The following TPSG1 variants were observed in gnomAD, a reference collection of about 807,000 sequenced individuals.
TPSG1 encodes the protein tryptase gamma 1.
A neutral mutation model predicts 23.8 loss-of-function variants in TPSG1; 43 were observed. The observed-to-expected ratio is 1.81, with a 90% CI of 1.42 to 2.33. The LOEUF is 2.33. TPSG1 is among the 30% of genes most tolerant of loss of function. The pLI, the probability that TPSG1 is intolerant of heterozygous loss-of-function variation, is 0.00. For synonymous variants in TPSG1, 302 were observed against 201.3 expected (o/e 1.50, Z -4.23); for missense variants, 623 against 438.6 (o/e 1.42, Z -3.75).
At chr16:1,222,421 C>G (rs1170185198) in intron 4 of TPSG1, 80 bp from the exon 5 acceptor site, 1 of 1,350,440 alleles carries the variant, frequency 7.4e-7, no homozygotes, top group African/African-American at 1.5e-5. Flanking sequence ...TTGCCAGACA[C>G]AAGTCCCATG....
At position 1,221,724 on chromosome 16, in the gene TPSG1, A is replaced by G. The variant is rs375214118; in HGVS notation, c.*64T>C. ...TGCAGAAGACTCAGCTTCTCAAGGG[A>G]GAGGGAGGGGGCGGAGCGGAATAAA... On this transcript the variant is annotated 3_prime_UTR_variant, in exon 6 of 6. Coordinates refer to ENST00000234798, the MANE Select transcript of TPSG1 (RefSeq NM_012467.4). 30 of 1,435,006 alleles carry G rather than the reference A, an allele frequency of 2.1e-5. No homozygotes were observed. In the African/African-American group the frequency reaches 3.4e-4, roughly 16 times the overall value. The allele number at this position is 1,435,006 out of a possible 1,614,324, so 88.9% of individuals were successfully genotyped here.
chr16:1,221,858 G>C lies in TPSG1; in HGVS notation c.896C>G (p.Ser299Cys), dbSNP rs1281331276. 1 of 1,612,038 alleles carries C rather than the reference G, an allele frequency of 6.2e-7. No individual in the cohort carries two copies. Reference sequence around the variant, plus strand: ...CAGGCACTTGGCCAGCAGGACACAGGAGACTAGCAGAAGGAAGAGGCCGGG... The same window carrying C: ...CAGGCACTTGGCCAGCAGGACACAGCAGACTAGCAGAAGGAAGAGGCCGGG... ...FLPGLFLLLVSCVLLAKCLLH... is the reference protein window; with the variant it reads ...FLPGLFLLLVCCVLLAKCLLH... Residue 299 changes from serine to cysteine, a missense_variant, in exon 6 of 6, where the codon TCC becomes TGC. By Grantham distance (112) the Ser-to-Cys change is moderately radical. Transcript: ENST00000234798.
At chr16:1,224,578 AC>A (rs757388433) in intron 2 of TPSG1, 23 bp downstream of exon 2, 2 of 1,612,992 alleles carry the variant, frequency 1.2e-6, no homozygotes, top group South Asian at 2.2e-5. Context: ...CCTCCCCCAC[AC>A]CCCACACCTG....
At position 1,225,199 on chromosome 16, in the gene TPSG1, T is replaced by C. The variant is rs1187359088; in HGVS notation, c.46+8A>G. ...CCCCCATCCCCACACCCAGGCCAGGTCACCCACCGGGCACAGCCAGGAGCA... is the reference window on the plus strand; with the variant it reads ...CCCCCATCCCCACACCCAGGCCAGGCCACCCACCGGGCACAGCCAGGAGCA... On this transcript the variant is annotated splice_region_variant and intron_variant, in intron 1 of 5. Transcript: ENST00000234798. 1.5e-5 allele frequency: 23 copies of C among 1,572,610 alleles called. No individual in the cohort carries two copies. The highest frequency in any genetic ancestry group is 1.9e-5 in the Non-Finnish European group (22 of 1,159,440).
chr16:1,224,232 C>CA (rs2030023635), intron 2 of TPSG1: 1 of 249,324 alleles, frequency 4.0e-6, no homozygotes, highest in Admixed American at 5.2e-5. Context: ...TGTAGACAGA[C>CA]AGAGATGTTT....
At position 1,224,570 on chromosome 16, in the gene TPSG1, T is replaced by A. The variant is rs757804431; in HGVS notation, c.73+32A>T. On this transcript the variant is annotated intron_variant, in intron 2 of 5. Transcript: ENST00000234798. Reference sequence around the variant, plus strand: ...CTCCTGCCAGGCCTTGCCTGCACCCTCCCCCACACCCCACACCTGTCAGAG... The same window carrying A: ...CTCCTGCCAGGCCTTGCCTGCACCCACCCCCACACCCCACACCTGTCAGAG... 5.0e-5 allele frequency: 81 copies of A among 1,612,328 alleles called. 2 individuals carry two copies. The South Asian group carries it at 8.7e-4, about 17-fold the overall frequency.
At chr16:1,222,468 C>G (rs1596485693) in intron 4 of TPSG1, 127 bp from the exon 5 acceptor site, 1 of 1,247,484 alleles carries the variant, frequency 8.0e-7, no homozygotes, top group Non-Finnish European at 1.1e-6. Context: ...GGGTTGTGAT[C>G]TGACGTTTGG....
At chr16:1,224,972 C>T (rs1325213588) in intron 1 of TPSG1, among the ~76,000 whole-genome samples, 1 of 152,050 alleles carries the variant, frequency 6.6e-6, no homozygotes, top group African/African-American at 2.4e-5. Flanking sequence ...TACCACCCGC[C>T]CTGCCAACTC....
chr16:1,221,752 G>T lies in TPSG1; in HGVS notation c.*36C>A. ...GGGAGGGGGCGGAGCGGAATAAATA[G>T]TAACTTATTTAAGAAATGCACTTGG... On this transcript the variant is annotated 3_prime_UTR_variant, in exon 6 of 6. Transcript: ENST00000234798. The T allele has an allele frequency of 6.4e-7, 1 of 1,556,500 alleles. No homozygotes were observed. The highest frequency in any genetic ancestry group is 8.7e-7 in the Non-Finnish European group (1 of 1,146,752).
intron 2 of TPSG1, 126 bp downstream of exon 2, chr16:1,224,473 AACC>A: frequency 1.6e-6 from 2 of 1,255,026 alleles, no homozygotes; most frequent in Non-Finnish European, 2.3e-6. Flanking sequence ...TGCGAGCAGA[AACC>A]ACGGCGACAA....
chr16:1,224,308 C>A (rs62012860), intron 2 of TPSG1, among the ~76,000 whole-genome samples: 3,851 of 152,170 alleles, frequency 0.025, 66 homozygotes, highest in Non-Finnish European at 0.04. Flanking sequence ...CCAGCTGGTT[C>A]CAGGGCCACG....
In TPSG1 at chr16:1,222,079, A is replaced by C; in HGVS notation, c.675T>G (p.Pro225=). Residue 225 remains proline (P), a synonymous_variant, in exon 6 of 6, where the codon CCT becomes CCG. Transcript: ENST00000234798. ...GDACQDDSGG[P]LVCQVNGAWV... is the part of the protein sequence containing the mutation. ...AGGCACCGTTCACCTGGCAGACCAG[A>C]GGCCCCCCGGAGTCGTCCTGAGGAC... is the stretch of plus-strand genomic sequence containing the variant. 1 of 1,612,798 alleles carries C rather than the reference A, an allele frequency of 6.2e-7. No homozygotes were observed. The highest frequency in any genetic ancestry group is 8.5e-7 in the Non-Finnish European group (1 of 1,179,984).
At position 1,222,320 on chromosome 16, in the gene TPSG1, C is replaced by T. The variant is rs370303361; in HGVS notation, c.533G>A (p.Ser178Asn). Residue 178 changes from serine (S) to asparagine (N), a missense_variant, in exon 5 of 6, where the codon AGC (serine) becomes AAC (asparagine). Coordinates refer to ENST00000234798, the MANE Select transcript of TPSG1 (RefSeq NM_012467.4). ...REGEPLPPPYSLREVKVSVVD... is the reference protein window; with the variant it reads ...REGEPLPPPYNLREVKVSVVD... ...CACGGAGACTTTCACCTCCCGCAGG[C>T]TGTACGGGGGTGGCAGAGGCTCTGG... is the stretch of plus-strand genomic sequence containing the variant. 8.9e-5 allele frequency: 143 copies of T among 1,606,332 alleles called. No individual in the cohort carries two copies. The highest frequency in any genetic ancestry group is 8.3e-4 in the East Asian group (37 of 44,710).
chr16:1,222,380 A>G, intron 4 of TPSG1, 39 bp from the exon 5 acceptor site: 1 of 1,541,108 alleles, frequency 6.5e-7, no homozygotes, highest in Non-Finnish European at 8.8e-7. Context: ...AGGTTGGGGC[A>G]CCAGGCCCTG....
intron 3 of TPSG1, 59 bp from the exon 4 acceptor site, chr16:1,222,976 G>A (rs894988697): frequency 2.2e-5 from 33 of 1,521,762 alleles, no homozygotes; most frequent in East Asian, 4.7e-5. Flanking sequence ...GGTCAGTGTC[G>A]GCCCCGCCCA....
intron 4 of TPSG1, 134 bp downstream of exon 4, chr16:1,222,512 AAGGGAC>A: frequency 7.6e-7 from 1 of 1,323,356 alleles, no homozygotes; most frequent in East Asian, 2.3e-5. Context: ...AGGCTTTGAA[AAGGGAC>A]AGCCGATAGG....
rs757446831 is a variant in TPSG1 at position 1,222,853 on chromosome 16, A to T, written c.310T>A (p.Phe104Ile). The change falls in exon 4 of 6, where the codon TTC becomes ATC. Residue 104 changes from phenylalanine to isoleucine, a missense_variant. Coordinates refer to ENST00000234798, the MANE Select transcript of TPSG1 (RefSeq NM_012467.4). ...AGGATGATCTGCCTCACGGTGGAGA[A>T]GTGGGGAGACAGAGTGATCTCCAGT... ...GELEITLSPH[F>I]STVRQIILHS... The T allele has an allele frequency of 6.2e-7, 1 of 1,611,140 alleles. No individual in the cohort carries two copies. The highest frequency in any genetic ancestry group is 8.5e-7 in the Non-Finnish European group (1 of 1,179,398).
At position 1,225,225 on chromosome 16, in the gene TPSG1, G is replaced by C; in HGVS notation, c.28C>G (p.Leu10Val). The C allele has an allele frequency of 1.3e-6, 2 of 1,579,476 alleles. No individual in the cohort carries two copies. Among genetic ancestry groups the C allele is most frequent in the Non-Finnish European group, 8.6e-7 (1 of 1,162,904 alleles). The change falls in exon 1 of 6, where the codon CTG becomes GTG. Residue 10 changes from leucine to valine, a missense_variant. By Grantham distance (32) the Leu-to-Val change is conservative. Coordinates refer to ENST00000234798, the MANE Select transcript of TPSG1 (RefSeq NM_012467.4). MALGACGLL[L>V]LLAVPGVSLR... ...CACCCACCGGGCACAGCCAGGAGCA[G>C]CAGGAGGCCACAGGCCCCAAGGGCC...
chr16:1,221,695 C>G lies in TPSG1; in HGVS notation c.*93G>C, dbSNP rs533381258. 420 of 1,258,068 alleles carry G rather than the reference C, an allele frequency of 3.3e-4. 11 individuals carry two copies. The South Asian group carries it at 5.8e-3, about 17-fold the overall frequency. The allele number at this position is 1,258,068 out of a possible 1,614,324, so 77.9% of individuals were successfully genotyped here. On this transcript the variant is annotated 3_prime_UTR_variant, in exon 6 of 6. Transcript: ENST00000234798. Reference sequence around the variant, plus strand: ...AATTCAGGTTAAATGTTGCAATAATCTGATGCAGAAGACTCAGCTTCTCAA... The same window carrying G: ...AATTCAGGTTAAATGTTGCAATAATGTGATGCAGAAGACTCAGCTTCTCAA...
Sources: gnomAD v4.1 joint callset for allele counts (sites outside exome capture counted in the v4.1 genomes callset) on GRCh38, gnomAD v4.1.1 for gene constraint, MANE v1.5 for transcripts, NCBI Gene and HGNC (gene_info 2026-07-23, HGNC 2026-07-21) for gene names.